RERE: variants seen among roughly 807,000 people sequenced by gnomAD.
RERE encodes arginine-glutamic acid dipeptide repeats protein.
A neutral mutation model predicts 146.1 loss-of-function variants in RERE; 40 were observed. The ratio of observed to expected loss-of-function variants is 0.27; its 90% CI spans 0.21 to 0.36. RERE has a LOEUF of 0.36. Among genes scored for constraint, RERE ranks in the 10% least tolerant of loss-of-function variants. The pLI, the probability that RERE is intolerant of heterozygous loss-of-function variation, is 1.00. For missense variants in RERE, 1,933 were observed against 2,138.7 expected (o/e 0.90, Z 1.90); for synonymous variants, 1,003 against 866.0 (o/e 1.16, Z -2.78).
At chr1:8,615,572 A>G (rs1206098493) in intron 3 of RERE, among the ~76,000 whole-genome samples, 2 of 152,216 alleles carry the variant, frequency 1.3e-5, no homozygotes, top group Non-Finnish European at 2.9e-5. Context: ...ACTAAAAAAA[A>G]TCCATAAAAT....
At position 8,786,123 on chromosome 1, in the gene RERE, C is replaced by CT. The variant is rs139913398; in HGVS notation, c.-145+31036dup. The CT allele has an allele frequency of 9.3e-3, 4,287 of 458,642 alleles. 154 individuals carry two copies. The highest frequency in any genetic ancestry group is 0.078 in the African/African-American group (3,879 of 49,602). 28.4% of individuals were successfully genotyped at this position (458,642 alleles called of 1,614,324 possible). A position where few individuals can be genotyped will look rare whatever the true frequency, so the allele number is the denominator to read the frequency against. On this transcript the variant is annotated intron_variant, in intron 1 of 22. Transcript: ENST00000400908. ...CTCTGACTGGCAGCAGTCTAACTTT[C>CT]TTTTTTTTCAACTTGAGAGCAGCTA... is the stretch of plus-strand genomic sequence containing the variant.
At chr1:8,514,542 C>G (rs1163755591) in intron 7 of RERE, among the ~76,000 whole-genome samples, 1 of 152,116 alleles carries the variant, frequency 6.6e-6, no homozygotes, top group East Asian at 1.9e-4. Flanking sequence ...CCAGCCTAGT[C>G]AACATGGTGA....
chr1:8,629,082 A>T (rs764972106), intron 2 of RERE, among the ~76,000 whole-genome samples: 5 of 152,232 alleles, frequency 3.3e-5, no homozygotes, highest in Non-Finnish European at 7.3e-5. Flanking sequence ...TGGCAGGGCA[A>T]GTATATATAT....
intron 12 of RERE, among the ~76,000 whole-genome samples, chr1:8,406,875 G>C (rs1377167446): frequency 6.6e-6 from 1 of 152,132 alleles, no homozygotes; most frequent in Non-Finnish European, 1.5e-5. Flanking sequence ...GCAAGAGTCA[G>C]AGCTCATACA....
intron 10 of RERE, among the ~76,000 whole-genome samples, chr1:8,476,050 T>G (rs191610099): frequency 8.6e-4 from 131 of 152,324 alleles, no homozygotes; most frequent in Middle Eastern, 6.8e-3. Flanking sequence ...CCTCCCTCTT[T>G]CCATCACTTT....
chr1:8,456,083 C>T (rs1005937728), intron 11 of RERE, among the ~76,000 whole-genome samples: 2 of 152,120 alleles, frequency 1.3e-5, no homozygotes, highest in Non-Finnish European at 2.9e-5. Flanking sequence ...AAATGCCGGC[C>T]GACAAGGGAA....
Position 8,361,223 on chromosome 1 carries a change from G to A in RERE, c.2284C>T (p.Pro762Ser), listed in dbSNP as rs1334053969. The A allele has an allele frequency of 1.3e-6, 2 of 1,533,134 alleles. No homozygotes were observed. Among genetic ancestry groups the A allele is most frequent in the Non-Finnish European group, 1.7e-6 (2 of 1,144,802 alleles). 95.0% of individuals were successfully genotyped at this position (1,533,134 alleles called of 1,614,324 possible). A position where few individuals can be genotyped will look rare whatever the true frequency, so the allele number is the denominator to read the frequency against. The change falls in exon 18 of 23, where the codon CCC (proline) becomes TCC (serine). Residue 762 changes from proline to serine, a missense_variant. Physicochemically the swap from Pro to Ser is moderately conservative, Grantham distance 74 (BLOSUM62 -1). This residue lies in a region of RERE where 1,255 missense variants were observed against 1,153.8 expected (regional missense o/e 1.09). Coordinates refer to ENST00000400908, the MANE Select transcript of RERE (RefSeq NM_001042681.2). ...GCAGAGGGCGTGGGCCCTGGCGTGG[G>A]CAGCTGAGGGGTCCCTGGAGGAGCT... ...SSAPPGTPQL[P>S]TPGPTPSATA...
intron 11 of RERE, among the ~76,000 whole-genome samples, chr1:8,454,493 A>AT (rs1191820256): frequency 6.6e-6 from 1 of 151,588 alleles, no homozygotes; most frequent in African/African-American, 2.4e-5. Context: ...TTTTCCTATA[A>AT]TTTTTTAGAT....
In RERE at chr1:8,355,028, G is replaced by A. The variant is rs1309254794; in HGVS notation, c.*59C>T. 3 of 1,420,032 alleles carry A rather than the reference G, an allele frequency of 2.1e-6. No homozygotes were observed. Among genetic ancestry groups the A allele is most frequent in the African/African-American group, 1.4e-5 (1 of 70,160 alleles). The allele number at this position is 1,420,032 out of a possible 1,614,324, so 88.0% of individuals were successfully genotyped here. ...TTGCAGCTCCTATTTTATGTAAAAAGTCCTGTTTCTCCCCCCAAGAACTGG... is the reference window on the plus strand; with the variant it reads ...TTGCAGCTCCTATTTTATGTAAAAAATCCTGTTTCTCCCCCCAAGAACTGG... On this transcript the variant is annotated 3_prime_UTR_variant, in exon 23 of 23. Coordinates refer to ENST00000400908, the MANE Select transcript of RERE (RefSeq NM_001042681.2).
At chr1:8,656,937 G>T (rs1208548986) in intron 1 of RERE, among the ~76,000 whole-genome samples, 1 of 152,114 alleles carries the variant, frequency 6.6e-6, no homozygotes, top group African/African-American at 2.4e-5. Flanking sequence ...AACAAAGCGA[G>T]ATCCCATCTC....
chr1:8,357,834 C>A (rs1641356528), intron 20 of RERE, among the ~76,000 whole-genome samples: 1 of 152,250 alleles, frequency 6.6e-6, no homozygotes, highest in Non-Finnish European at 1.5e-5. Context: ...TTGAGTAGCC[C>A]AGTGCCTTAT....
At chr1:8,392,014 G>A (rs1452934058) in intron 12 of RERE, among the ~76,000 whole-genome samples, 1 of 152,166 alleles carries the variant, frequency 6.6e-6, no homozygotes, top group Non-Finnish European at 1.5e-5. Flanking sequence ...ACAGCAGAGT[G>A]AGACTCTGCC....
chr1:8,605,762 AAAAAAAAAAC>A (rs1222271285), intron 4 of RERE, among the ~76,000 whole-genome samples: 4 of 149,448 alleles, frequency 2.7e-5, no homozygotes, highest in African/African-American at 9.8e-5. Flanking sequence ...AAAAAAAAAA[AAAAAAAAAAC>A]CCCTAAAAAA....
At chr1:8,469,122 AAT>A (rs983698340) in intron 10 of RERE, among the ~76,000 whole-genome samples, 5 of 152,096 alleles carry the variant, frequency 3.3e-5, no homozygotes, top group African/African-American at 9.7e-5. Context: ...AATATTAGAA[AAT>A]ATATGTTAGC....
chr1:8,579,172 C>A (rs1005253383), intron 4 of RERE, among the ~76,000 whole-genome samples: 1 of 152,196 alleles, frequency 6.6e-6, no homozygotes, highest in East Asian at 1.9e-4. Flanking sequence ...AATTTCATGG[C>A]TACGTAGAAA....
chr1:8,674,060 T>C (rs1428328498), intron 1 of RERE, among the ~76,000 whole-genome samples: 1 of 152,140 alleles, frequency 6.6e-6, no homozygotes, highest in Non-Finnish European at 1.5e-5. Context: ...ATTAAAAATA[T>C]TCAAATTATT....
chr1:8,366,928 ACAAAAAAAAAAAAC>A (rs1438271277), intron 12 of RERE, among the ~76,000 whole-genome samples: 10 of 108,546 alleles, frequency 9.2e-5, no homozygotes, highest in African/African-American at 2.9e-4. Flanking sequence ...AAAAAAAAAA[ACAAAAAAAAAAAAC>A]CCAAAAAACA....
intron 10 of RERE, among the ~76,000 whole-genome samples, chr1:8,474,478 C>T (rs2124158852): frequency 6.6e-6 from 1 of 152,312 alleles, no homozygotes; most frequent in East Asian, 1.9e-4. Flanking sequence ...CTCTGGATCT[C>T]AGGCAGTCTT....
chr1:8,382,595 AG>A (rs1487351316), intron 12 of RERE, among the ~76,000 whole-genome samples: 5 of 152,228 alleles, frequency 3.3e-5, no homozygotes, highest in African/African-American at 1.2e-4. Context: ...GGAACATAAC[AG>A]GTACCTTTCT....
Sources: gnomAD v4.1 joint callset for allele counts (sites outside exome capture counted in the v4.1 genomes callset) on GRCh38, gnomAD v4.1.1 for gene constraint, gnomAD v4.1.1 regional missense constraint, MANE v1.5 for transcripts, NCBI Gene and HGNC (gene_info 2026-07-23, HGNC 2026-07-21) for gene names.